The following CLIC4 variants were observed in gnomAD, a reference collection of about 807,000 sequenced individuals.
The protein encoded by CLIC4 is chloride intracellular channel protein 4.
Under a neutral mutation model 24.6 loss-of-function variants are expected in CLIC4, and 13 were observed. The ratio of observed to expected loss-of-function variants is 0.53; its 90% CI spans 0.34 to 0.84. CLIC4 has a LOEUF of 0.84. CLIC4 is among the 40% of genes least tolerant of loss of function. The pLI is 0.01. For missense variants in CLIC4, 227 were observed against 301.7 expected (o/e 0.75, Z 1.83); for synonymous variants, 104 against 111.3 (o/e 0.93, Z 0.41).
chr1:24,753,232 G>T (rs1392498955), intron 1 of CLIC4, among the ~76,000 whole-genome samples: 2 of 152,116 alleles, frequency 1.3e-5, no homozygotes, highest in Non-Finnish European at 2.9e-5. Flanking sequence ...AAGGGCTTGG[G>T]CTAGATGATC....
chr1:24,817,098 CA>C (rs958840839), intron 3 of CLIC4, among the ~76,000 whole-genome samples: 2 of 152,164 alleles, frequency 1.3e-5, no homozygotes, highest in African/African-American at 4.8e-5. Flanking sequence ...TCATAGATGA[CA>C]TCTTTCAATA....
intron 1 of CLIC4, among the ~76,000 whole-genome samples, chr1:24,790,029 G>T (rs1314791925): frequency 2.0e-5 from 3 of 152,182 alleles, no homozygotes; most frequent in East Asian, 3.8e-4. Context: ...GGTAGAGACA[G>T]AAGTCCAAGT....
At chr1:24,746,602 C>A (rs772533055) in intron 1 of CLIC4, among the ~76,000 whole-genome samples, 1 of 152,178 alleles carries the variant, frequency 6.6e-6, no homozygotes, top group African/African-American at 2.4e-5. Context: ...AAAAGCCAGG[C>A]TCATTCAGAG....
chr1:24,782,414 T>C (rs531476165), intron 1 of CLIC4, among the ~76,000 whole-genome samples: 1 of 152,298 alleles, frequency 6.6e-6, no homozygotes, highest in African/African-American at 2.4e-5. Flanking sequence ...CTTTGGATGC[T>C]ATAGGTAATG....
chr1:24,784,961 G>A (rs925207475), intron 1 of CLIC4, among the ~76,000 whole-genome samples: 6 of 141,972 alleles, frequency 4.2e-5, no homozygotes, highest in East Asian at 2.1e-4. Flanking sequence ...CCAAGATCGC[G>A]CCACTGCACT....
chr1:24,809,049 CTT>C (rs1254118536), intron 2 of CLIC4, among the ~76,000 whole-genome samples: 2 of 152,090 alleles, frequency 1.3e-5, no homozygotes, highest in African/African-American at 2.4e-5. Flanking sequence ...GGAGGGCTGA[CTT>C]ATTTCATTTT....
At chr1:24,797,313 C>T (rs1243140705) in intron 1 of CLIC4, among the ~76,000 whole-genome samples, 2 of 151,568 alleles carry the variant, frequency 1.3e-5, no homozygotes, top group Non-Finnish European at 1.5e-5. Context: ...GTGGCTCATG[C>T]CTGTAATCCC....
chr1:24,787,786 C>A (rs1158636969), intron 1 of CLIC4, among the ~76,000 whole-genome samples: 4 of 150,882 alleles, frequency 2.7e-5, no homozygotes, highest in African/African-American at 9.8e-5. Flanking sequence ...ACCTCGTGAT[C>A]CACCTTCTTC....
intron 2 of CLIC4, among the ~76,000 whole-genome samples, chr1:24,809,505 C>G (rs946254391): frequency 5.9e-5 from 9 of 152,188 alleles, no homozygotes; most frequent in Admixed American, 3.3e-4. Context: ...GAGTCTCACT[C>G]TGTCGCCCAG....
chr1:24,778,940 G>A (rs1244857129), intron 1 of CLIC4, among the ~76,000 whole-genome samples: 2 of 152,082 alleles, frequency 1.3e-5, no homozygotes, highest in Non-Finnish European at 2.9e-5. Flanking sequence ...AGAAACTCAC[G>A]ACATTAATTC....
In CLIC4 at chr1:24,797,808, C is replaced by CT; in HGVS notation, c.140dup (p.Lys48GlnfsTer6). ...CCAGAGGCTCTTCATGATTCTTTGG[C>CT]TCAAAGGAGTTGTATTTAGTGTGAC... On this transcript the variant is annotated frameshift_variant, in exon 2 of 6. Transcript: ENST00000374379. LOFTEE classifies it high-confidence loss of function. 6.2e-7 allele frequency: 1 copy of CT among 1,613,622 alleles called. No homozygotes were observed. Among genetic ancestry groups the CT allele is most frequent in the Non-Finnish European group, 8.5e-7 (1 of 1,179,830 alleles).
chr1:24,761,249 C>G (rs558510496), intron 1 of CLIC4, among the ~76,000 whole-genome samples: 1 of 152,112 alleles, frequency 6.6e-6, no homozygotes, highest in Non-Finnish European at 1.5e-5. Flanking sequence ...ATTAATACCT[C>G]ATAGAACCTA....
chr1:24,820,031 G>A (rs1200486182), intron 3 of CLIC4, among the ~76,000 whole-genome samples: 3 of 96,646 alleles, frequency 3.1e-5, no homozygotes, highest in Non-Finnish European at 6.7e-5. Flanking sequence ...ATGAGCTACC[G>A]CGCCCAGCCA....
intron 4 of CLIC4, among the ~76,000 whole-genome samples, chr1:24,838,038 A>G (rs770531739): frequency 3.9e-5 from 6 of 151,972 alleles, no homozygotes; most frequent in African/African-American, 9.7e-5. Flanking sequence ...CTCTACTCAC[A>G]TGTCTTACAG....
At chr1:24,746,628 G>C (rs1638703265) in intron 1 of CLIC4, among the ~76,000 whole-genome samples, 1 of 152,170 alleles carries the variant, frequency 6.6e-6, no homozygotes. Flanking sequence ...CAACATACCG[G>C]AAAGTAAATG....
At chr1:24,835,246 T>G (rs1639875204) in intron 4 of CLIC4, among the ~76,000 whole-genome samples, 1 of 152,226 alleles carries the variant, frequency 6.6e-6, no homozygotes, top group African/African-American at 2.4e-5. Context: ...ACATTCTAAT[T>G]TGTTTGATAT....
chr1:24,837,661 A>G (rs1639899290), intron 4 of CLIC4, among the ~76,000 whole-genome samples: 1 of 152,222 alleles, frequency 6.6e-6, no homozygotes, highest in Non-Finnish European at 1.5e-5. Flanking sequence ...AAATCCAGCA[A>G]CATAACAAAA....
At chr1:24,755,455 ATTAGTCTGGT>A (rs1214460493) in intron 1 of CLIC4, among the ~76,000 whole-genome samples, 1 of 149,118 alleles carries the variant, frequency 6.7e-6, no homozygotes, top group Non-Finnish European at 1.5e-5. Context: ...AAAAAAAAAA[ATTAGTCTGGT>A]GTGGTGGTGG....
At chr1:24,808,212 C>CTGAG (rs1639573408) in intron 2 of CLIC4, among the ~76,000 whole-genome samples, 1 of 152,084 alleles carries the variant, frequency 6.6e-6, no homozygotes, top group Non-Finnish European at 1.5e-5. Flanking sequence ...TGCCAAGGTG[C>CTGAG]TGAGATTATA....
Sources: gnomAD v4.1 joint callset for allele counts (sites outside exome capture counted in the v4.1 genomes callset) on GRCh38, gnomAD v4.1.1 for gene constraint, MANE v1.5 for transcripts, NCBI Gene and HGNC (gene_info 2026-07-23, HGNC 2026-07-21) for gene names.